DNPH1: variants seen among roughly 807,000 people sequenced by gnomAD.
The protein encoded by DNPH1 is 5-hydroxymethyl-dUMP N-hydrolase.
In DNPH1, 18 loss-of-function variants were observed where a neutral mutation model predicts 15.7. The observed-to-expected ratio is 1.15, with a 90% confidence interval of 0.79 to 1.70. The LOEUF (loss-of-function observed/expected upper bound fraction) is 1.70, where lower values mean the gene tolerates loss of function less well. Ranked by LOEUF, DNPH1 falls within the 40% of genes most tolerant of loss-of-function variation. DNPH1 has a pLI of 0.00. For missense variants in DNPH1, 262 were observed against 255.2 expected, an observed-to-expected ratio of 1.03 and a Z score of -0.18; for synonymous variants, 114 against 107.9, an observed-to-expected ratio of 1.06 and a Z score of -0.35.
chr6:43,229,039 A>G, intron 1 of DNPH1: 5 of 462,894 alleles, frequency 1.1e-5, no homozygotes, highest in Non-Finnish European at 2.0e-5. Context: ...GATAATGCTG[A>G]GTCTGCCTTA....
intron 1 of DNPH1, among the ~76,000 whole-genome samples, chr6:43,228,830 A>C (rs2150670013): frequency 6.6e-6 from 1 of 152,154 alleles, no homozygotes; most frequent in South Asian, 2.1e-4. Flanking sequence ...CGTTTCAAAA[A>C]CAAAACAAAA....
Position 43,229,181 on chromosome 6 carries a change from G to A in DNPH1, c.196+80C>T, listed in dbSNP as rs774405749. ...CGGGAGCGCAGCTGCCGGGGGTCGG[G>A]GGGGCGGACAGGCCGGGTCCCTGCC... On this transcript the variant is annotated intron_variant, in intron 1 of 3. Coordinates refer to ENST00000230431, the MANE Select transcript of DNPH1 (RefSeq NM_006443.3). 6 of 1,265,276 alleles carry A rather than the reference G, an allele frequency of 4.7e-6. No homozygotes were observed. The East Asian group carries it at 1.5e-4, about 32-fold the overall frequency. The allele number at this position is 1,265,276 out of a possible 1,614,324, so 78.4% of individuals were successfully genotyped here. A position where few individuals can be genotyped will look rare whatever the true frequency, so the allele number is the denominator to read the frequency against.
intron 1 of DNPH1, 73 bp downstream of exon 1, chr6:43,229,188 G>A (rs772828346): frequency 4.2e-5 from 54 of 1,280,112 alleles, no homozygotes; most frequent in Admixed American, 8.0e-5. Context: ...CGGGGGGGCG[G>A]ACAGGCCGGG....
chr6:43,229,420 AGCTCTCGCTGC>A lies in DNPH1; in HGVS notation c.26_36del (p.Arg9LeufsTer61). ...GGGCGGCCAGGCTCCCCGCGCTCCC[AGCTCTCGCTGC>A]GCCCCGGCACCATGGCAGCAGCCAT... On this transcript the variant is annotated frameshift_variant, in exon 1 of 4. Transcript: ENST00000230431. LOFTEE classifies it high-confidence loss of function. 1 of 1,413,050 alleles carries A rather than the reference AGCTCTCGCTGC, an allele frequency of 7.1e-7. No individual in the cohort carries two copies. Among genetic ancestry groups the A allele is most frequent in the Non-Finnish European group, 9.3e-7 (1 of 1,079,710 alleles). 87.5% of individuals were successfully genotyped at this position (1,413,050 alleles called of 1,614,324 possible).
chr6:43,226,015 G>A lies in DNPH1; in HGVS notation c.376+18C>T. On this transcript the variant is annotated intron_variant, in intron 3 of 3. Coordinates refer to ENST00000230431, the MANE Select transcript of DNPH1 (RefSeq NM_006443.3). The surrounding 1 kb of genome is among the most constrained non-coding windows in gnomAD (Gnocchi z 4.1). ...GCTGGGTCCATAGAAAGCCAGGAGG[G>A]AGGCTTGGGGTGCTCACCGCGGCCA... is the stretch of plus-strand genomic sequence containing the variant. 6.2e-7 allele frequency: 1 copy of A among 1,613,720 alleles called. No individual in the cohort carries two copies. Among genetic ancestry groups the A allele is most frequent in the Non-Finnish European group, 8.5e-7 (1 of 1,179,852 alleles).
chr6:43,225,899 A>G lies in DNPH1; in HGVS notation c.377-18T>C, dbSNP rs1776722262. ...CGAAAGCACTGGAAAGGGCAGGGAA[A>G]GGTGAAGCTGCCTCCCATCCACACC... On this transcript the variant is annotated intron_variant, in intron 3 of 3. Coordinates refer to ENST00000230431, the MANE Select transcript of DNPH1 (RefSeq NM_006443.3). 2 of 1,614,052 alleles carry G rather than the reference A, an allele frequency of 1.2e-6. No individual in the cohort carries two copies. The highest frequency in any genetic ancestry group is 1.7e-6 in the Non-Finnish European group (2 of 1,180,036).
chr6:43,227,969 AG>A (rs1388703562), intron 1 of DNPH1, among the ~76,000 whole-genome samples: 1 of 152,210 alleles, frequency 6.6e-6, no homozygotes, highest in Non-Finnish European at 1.5e-5. Flanking sequence ...ACACACCTGT[AG>A]TCCCAGCTAC....
Position 43,226,552 on chromosome 6 carries a change from A to G in DNPH1, c.197-157T>C, listed in dbSNP as rs1216393904. On this transcript the variant is annotated intron_variant, in intron 1 of 3. Transcript: ENST00000230431. The surrounding 1 kb of genome is among the most constrained non-coding windows in gnomAD (Gnocchi z 4.1). ...ACAATCTCATCAAAGCAGCGAGGAA[A>G]TGGAATAGCCACAAAAAGAAAAATT... 16 of 646,246 alleles carry G rather than the reference A, an allele frequency of 2.5e-5. No individual in the cohort carries two copies. Among genetic ancestry groups the G allele is most frequent in the Non-Finnish European group, 4.2e-5 (16 of 384,268 alleles). 40.0% of individuals were successfully genotyped at this position (646,246 alleles called of 1,614,324 possible). A position where few individuals can be genotyped will look rare whatever the true frequency, so the allele number is the denominator to read the frequency against.
Position 43,225,674 on chromosome 6 carries a change from G to A in DNPH1, c.*59C>T. The A allele has an allele frequency of 6.3e-7, 1 of 1,588,924 alleles. No individual in the cohort carries two copies. Among genetic ancestry groups the A allele is most frequent in the Non-Finnish European group, 8.6e-7 (1 of 1,162,814 alleles). ...TTTAATTTGCTCCTGGGGCTAAGAG[G>A]AAGGAATGGTACTAGAGCAGTGTCT... is the stretch of plus-strand genomic sequence containing the variant. On this transcript the variant is annotated 3_prime_UTR_variant, in exon 4 of 4. Coordinates refer to ENST00000230431, the MANE Select transcript of DNPH1 (RefSeq NM_006443.3).
At chr6:43,225,928 A>AAGGGGT in intron 3 of DNPH1, 47 bp from the exon 4 acceptor site, 1 of 1,614,012 alleles carries the variant, frequency 6.2e-7, no homozygotes, top group Non-Finnish European at 8.5e-7. Context: ...CCACACCCTC[A>AAGGGGT]CAGCTCCCTT....
intron 3 of DNPH1, 74 bp from the exon 4 acceptor site, chr6:43,225,955 G>T: frequency 1.2e-6 from 2 of 1,613,324 alleles, no homozygotes; most frequent in Non-Finnish European, 1.7e-6. Context: ...TGGGAGAGGC[G>T]CGGTGCTCAG....
At chr6:43,228,935 C>A (rs761081902) in intron 1 of DNPH1, 5 of 197,850 alleles carry the variant, frequency 2.5e-5, no homozygotes, top group Non-Finnish European at 5.4e-5. Flanking sequence ...TGAGCCCAAG[C>A]AAAGCAGCCC....
rs1411780290 is a variant in DNPH1 at position 43,226,438 on chromosome 6, C to G, written c.197-43G>C. 2 of 1,568,244 alleles carry G rather than the reference C, an allele frequency of 1.3e-6. No homozygotes were observed. Among genetic ancestry groups the G allele is most frequent in the Non-Finnish European group, 1.7e-6 (2 of 1,156,264 alleles). On this transcript the variant is annotated intron_variant, in intron 1 of 3. Coordinates refer to ENST00000230431, the MANE Select transcript of DNPH1 (RefSeq NM_006443.3). This position sits in a 1 kb window ranked among gnomAD's most constrained non-coding sequence, Gnocchi z 4.1. ...TGGTCAAGGACATGCCTCATGCTGG[C>G]TCCCAGTAACTCCTATGCCCTTGTA...
intron 1 of DNPH1, among the ~76,000 whole-genome samples, chr6:43,228,878 C>CT (rs1776780314): frequency 1.3e-5 from 2 of 152,148 alleles, no homozygotes; most frequent in African/African-American, 4.8e-5. Context: ...AGGAGGATAC[C>CT]TTTCGTGTTG....
chr6:43,229,417 C>T lies in DNPH1; in HGVS notation c.40G>A (p.Glu14Lys), dbSNP rs1398671426. Residue 14 changes from glutamate (E) to lysine (K), a missense_variant, in exon 1 of 4, where the codon GAG (glutamate) becomes AAG (lysine). Transcript: ENST00000230431. ...GCCGGGCGGCCAGGCTCCCCGCGCTCCCAGCTCTCGCTGCGCCCCGGCACC... is the reference window on the plus strand; with the variant it reads ...GCCGGGCGGCCAGGCTCCCCGCGCTTCCAGCTCTCGCTGCGCCCCGGCACC... ...AMVPGRSESWERGEPGRPALY... is the reference protein window; with the variant it reads ...AMVPGRSESWKRGEPGRPALY... 7.1e-7 allele frequency: 1 copy of T among 1,417,230 alleles called. No individual in the cohort carries two copies. The highest frequency in any genetic ancestry group is 9.2e-7 in the Non-Finnish European group (1 of 1,081,720). 87.8% of individuals were successfully genotyped at this position (1,417,230 alleles called of 1,614,324 possible). A position where few individuals can be genotyped will look rare whatever the true frequency, so the allele number is the denominator to read the frequency against.
At position 43,229,378 on chromosome 6, in the gene DNPH1, C is replaced by T; in HGVS notation, c.79G>A (p.Gly27Arg). 4 of 1,486,118 alleles carry T rather than the reference C, an allele frequency of 2.7e-6. No individual in the cohort carries two copies. Among genetic ancestry groups the T allele is most frequent in the South Asian group, 1.3e-5 (1 of 77,240 alleles). The allele number at this position is 1,486,118 out of a possible 1,614,324, so 92.1% of individuals were successfully genotyped here. ...TCCTCGCGTCCGCCGCGAATGCTCC[C>T]GCAGAAGTACAGGGCCGGGCGGCCA... ...EPGRPALYFC[G>R]SIRGGREDRT... The change falls in exon 1 of 4, where the codon GGG (glycine) becomes AGG (arginine). Residue 27 changes from glycine to arginine, a missense_variant. Physicochemically the swap from Gly to Arg is moderately radical, Grantham distance 125 (BLOSUM62 -2). Coordinates refer to ENST00000230431, the MANE Select transcript of DNPH1 (RefSeq NM_006443.3).
Position 43,226,395 on chromosome 6 carries a change from C to T in DNPH1, c.197G>A (p.Gly66Glu), listed in dbSNP as rs1776742248. The T allele has an allele frequency of 1.9e-6, 3 of 1,611,758 alleles. No homozygotes were observed. The East Asian group carries it at 6.7e-5, about 36-fold the overall frequency. Residue 66 changes from glycine (G) to glutamate (E), a missense_variant and splice_region_variant, in exon 2 of 4, where the codon GGG becomes GAG. Transcript: ENST00000230431. The surrounding 1 kb of genome is among the most constrained non-coding windows in gnomAD (Gnocchi z 4.1). ...CCTGTCACCCCCAGCAGCCTCTTCCCCTGTGTTGAGGGAAAGCTGGTCAAG... is the reference window on the plus strand; with the variant it reads ...CCTGTCACCCCCAGCAGCCTCTTCCTCTGTGTTGAGGGAAAGCTGGTCAAG... ...HVAAAELGAR[G>E]EEAAGGDRLI...
chr6:43,229,267 C>A lies in DNPH1; in HGVS notation c.190G>T (p.Ala64Ser), dbSNP rs765908290. The A allele has an allele frequency of 7.0e-7, 1 of 1,424,640 alleles. No individual in the cohort carries two copies. The highest frequency in any genetic ancestry group is 9.2e-7 in the Non-Finnish European group (1 of 1,087,686). The allele number at this position is 1,424,640 out of a possible 1,614,324, so 88.2% of individuals were successfully genotyped here. ...TEHVAAAELG[A>S]RGEEAAGGDR... Reference sequence around the variant, plus strand: ...CGCGGCCCCAGGGCCTCACCGCGCGCGCCCAGCTCGGCGGCCGCCACGTGC... The same window carrying A: ...CGCGGCCCCAGGGCCTCACCGCGCGAGCCCAGCTCGGCGGCCGCCACGTGC... Residue 64 changes from alanine to serine, a missense_variant, in exon 1 of 4, where the codon GCG becomes TCG. Coordinates refer to ENST00000230431, the MANE Select transcript of DNPH1 (RefSeq NM_006443.3).
At position 43,229,304 on chromosome 6, in the gene DNPH1, T is replaced by C; in HGVS notation, c.153A>G (p.Thr51=). The C allele has an allele frequency of 6.8e-7, 1 of 1,478,634 alleles. No homozygotes were observed. The allele number at this position is 1,478,634 out of a possible 1,614,324, so 91.6% of individuals were successfully genotyped here. ...RIVSRLRRFG[T]VLTEHVAAAE... is the part of the protein sequence containing the mutation. The stretch of plus-strand genomic sequence containing the variant: ...CGGCCGCCACGTGCTCGGTGAGCAC[T>C]GTCCCGAATCGCCGCAGCCGAGACA... The change falls in exon 1 of 4, where the codon ACA becomes ACG. Residue 51 remains threonine (T), a synonymous_variant. Coordinates refer to ENST00000230431, the MANE Select transcript of DNPH1 (RefSeq NM_006443.3).
Sources: gnomAD v4.1 joint callset for allele counts (sites outside exome capture counted in the v4.1 genomes callset) on GRCh38, gnomAD v4.1.1 for gene constraint, Gnocchi (gnomAD v3.1) non-coding constraint, MANE v1.5 for transcripts, NCBI Gene and HGNC (gene_info 2026-07-23, HGNC 2026-07-21) for gene names.